AKAP1: variants seen among roughly 807,000 people sequenced by gnomAD.
The protein encoded by AKAP1 is A-kinase anchor protein 1, mitochondrial.
AKAP1 carries 32 observed loss-of-function variants against 79.8 expected under a neutral mutation model. The ratio of observed to expected loss-of-function variants is 0.40; its 90% CI spans 0.30 to 0.54. AKAP1 has a LOEUF of 0.54. AKAP1 is among the 20% of genes least tolerant of loss of function. The probability of loss-of-function intolerance (pLI) is 0.47; values close to 1 mark genes in which losing one functional copy is unlikely to be tolerated. For synonymous variants in AKAP1, 416 were observed against 466.7 expected (o/e 0.89, Z 1.40); for missense variants, 961 against 1,138.9 (o/e 0.84, Z 2.25).
chr17:57,111,688 A>G, intron 3 of AKAP1, 110 bp from the exon 4 acceptor site: 3 of 1,335,052 alleles, frequency 2.2e-6, no homozygotes, highest in Non-Finnish European at 3.1e-6. Flanking sequence ...CTGACATGGT[A>G]ACAGCTAATA....
intron 1 of AKAP1, chr17:57,095,485 T>TTTTTTTC (rs1567898364): frequency 5.1e-5 from 7 of 138,246 alleles, no homozygotes. Flanking sequence ...TTTTTTTTTT[T>TTTTTTTC]CTTCTGCCCT....
At position 57,107,782 on chromosome 17, in the gene AKAP1, A is replaced by G. The variant is rs146659256; in HGVS notation, c.1714+604A>G. ...GAATGGTTTTTATTTCCTTTTAATC[A>G]TGTGCTTGTTCCCATGTCTTCACCT... On this transcript the variant is annotated intron_variant, in intron 2 of 10. Coordinates refer to ENST00000337714, the MANE Select transcript of AKAP1 (RefSeq NM_003488.4). Among the ~76,000 whole-genome samples the G allele has an allele frequency of 8.0e-4, 121 of 152,120 alleles. 2 individuals are homozygous for G. The East Asian group carries it at 0.018, about 22-fold the overall frequency.
chr17:57,095,295 G>T (rs1914028829), intron 1 of AKAP1: 1 of 152,010 alleles, frequency 6.6e-6, no homozygotes, highest in Non-Finnish European at 1.5e-5. Context: ...TCGAGTAGTT[G>T]GGACTACAGG....
At chr17:57,112,274 T>C (rs1915294786) in intron 4 of AKAP1, among the ~76,000 whole-genome samples, 1 of 152,162 alleles carries the variant, frequency 6.6e-6, no homozygotes, top group African/African-American at 2.4e-5. Flanking sequence ...GCCTCTTCTG[T>C]TGCATTGAAA....
At chr17:57,117,623 G>A (rs544227744) in intron 8 of AKAP1, among the ~76,000 whole-genome samples, 1 of 152,158 alleles carries the variant, frequency 6.6e-6, no homozygotes, top group Non-Finnish European at 1.5e-5. Flanking sequence ...AGTCTAGCTG[G>A]AGTCGGCTTA....
chr17:57,109,453 G>A (rs75493871), intron 2 of AKAP1, among the ~76,000 whole-genome samples: 10 of 152,364 alleles, frequency 6.6e-5, no homozygotes, highest in African/African-American at 2.4e-4. Flanking sequence ...TCCACATATG[G>A]CAGAGGAACG....
Position 57,116,118 on chromosome 17 carries a change from C to A in AKAP1, c.2289C>A (p.Val763=). 6.2e-7 allele frequency: 1 copy of A among 1,613,010 alleles called. No homozygotes were observed. Among genetic ancestry groups the A allele is most frequent in the South Asian group, 1.1e-5 (1 of 91,048 alleles). The change falls in exon 7 of 11, where the codon GTC becomes GTA. Residue 763 remains valine, a synonymous_variant. Coordinates refer to ENST00000337714, the MANE Select transcript of AKAP1 (RefSeq NM_003488.4). ...PTLPTPVEIT[V]ICAAPGADGA... Reference sequence around the variant, plus strand: ...CTGCTCCCTACCCTGCAGTAACGGTCATCTGTGCCGCCCCTGGTGCGGACG... The same window carrying A: ...CTGCTCCCTACCCTGCAGTAACGGTAATCTGTGCCGCCCCTGGTGCGGACG...
intron 6 of AKAP1, among the ~76,000 whole-genome samples, chr17:57,115,376 G>C (rs1316195547): frequency 2.0e-5 from 3 of 152,212 alleles, no homozygotes; most frequent in African/African-American, 7.2e-5. Flanking sequence ...TAACCCAGCA[G>C]TAAAGACTGA....
chr17:57,119,098 A>T, intron 10 of AKAP1, 54 bp downstream of exon 10: 1 of 1,571,602 alleles, frequency 6.4e-7, no homozygotes, highest in Non-Finnish European at 8.8e-7. Context: ...TAATGGATTG[A>T]TTAGGAGCTG....
Position 57,114,650 on chromosome 17 carries a change from T to C in AKAP1, c.2281+14T>C, listed in dbSNP as rs200678267. ...CCCCAGTGGAAAGTAAGCAGTGCCCTGAGGGGTCGGGAAGGGGGACCCCTG... is the reference window on the plus strand; with the variant it reads ...CCCCAGTGGAAAGTAAGCAGTGCCCCGAGGGGTCGGGAAGGGGGACCCCTG... On this transcript the variant is annotated intron_variant, in intron 6 of 10. Coordinates refer to ENST00000337714, the MANE Select transcript of AKAP1 (RefSeq NM_003488.4). The C allele has an allele frequency of 6.8e-6, 11 of 1,609,382 alleles. No homozygotes were observed. The East Asian group carries it at 1.8e-4, about 26-fold the overall frequency.
intron 1 of AKAP1, among the ~76,000 whole-genome samples, chr17:57,099,448 G>A (rs1005214053): frequency 3.3e-5 from 5 of 152,210 alleles, no homozygotes; most frequent in Non-Finnish European, 4.4e-5. Context: ...TCCAGAGTGC[G>A]GGGTGAAGGC....
chr17:57,116,778 C>A, intron 7 of AKAP1, 82 bp from the exon 8 acceptor site: 1 of 1,323,114 alleles, frequency 7.6e-7, no homozygotes, highest in South Asian at 1.2e-5. Flanking sequence ...TTATGGGCGT[C>A]ACTGTACAAA....
intron 2 of AKAP1, among the ~76,000 whole-genome samples, chr17:57,107,536 T>C (rs1914971099): frequency 6.6e-6 from 1 of 152,158 alleles, no homozygotes; most frequent in Admixed American, 6.5e-5. Context: ...GGAGTCTTCC[T>C]TTGTTGCCCA....
chr17:57,091,556 CTG>C (rs1913784820), intron 1 of AKAP1, among the ~76,000 whole-genome samples: 1 of 152,130 alleles, frequency 6.6e-6, no homozygotes, highest in Non-Finnish European at 1.5e-5. Context: ...AGGCATGTGA[CTG>C]AGGCAGCCCG....
At chr17:57,105,309 C>A in intron 1 of AKAP1, 132 bp from the exon 2 acceptor site, 1 of 861,240 alleles carries the variant, frequency 1.2e-6, no homozygotes, top group Non-Finnish European at 1.9e-6. Context: ...AGGTGTGCTC[C>A]TCTTGGAGGG....
At chr17:57,116,997 C>T (rs1458961938) in intron 8 of AKAP1, 70 bp downstream of exon 8, 3 of 1,427,834 alleles carry the variant, frequency 2.1e-6, no homozygotes, top group Non-Finnish European at 3.0e-6. Context: ...TTCTCAGAGC[C>T]TCCGTTCTCA....
At chr17:57,096,357 C>T (rs1469587962) in intron 1 of AKAP1, 1 of 152,204 alleles carries the variant, frequency 6.6e-6, no homozygotes, top group Non-Finnish European at 1.5e-5. Context: ...GGCCTTCCTT[C>T]TGTGAATTGG....
chr17:57,107,956 A>AC (rs1233269002), intron 2 of AKAP1: 5 of 1,289,298 alleles, frequency 3.9e-6, no homozygotes, highest in Admixed American at 4.6e-5. Flanking sequence ...TTGCAGCTCC[A>AC]CCCCCGGGAA....
At chr17:57,118,320 A>C in intron 8 of AKAP1, 61 bp from the exon 9 acceptor site, 2 of 1,508,656 alleles carry the variant, frequency 1.3e-6, no homozygotes, top group Non-Finnish European at 9.2e-7. Flanking sequence ...ACTTGTGTAC[A>C]TGACAAGGGT....
Sources: gnomAD v4.1 joint callset for allele counts (sites outside exome capture counted in the v4.1 genomes callset) on GRCh38, gnomAD v4.1.1 for gene constraint, MANE v1.5 for transcripts, NCBI Gene and HGNC (gene_info 2026-07-23, HGNC 2026-07-21) for gene names.